Variants in NELL1 observed in about 807,000 individuals in gnomAD.
NELL1 encodes the protein neural EGFL like 1, also known as protein kinase C-binding protein NELL1.
In NELL1, 76 loss-of-function variants were observed where a neutral mutation model predicts 107.4. The ratio of observed to expected loss-of-function variants is 0.71; its 90% CI spans 0.59 to 0.86. The LOEUF is 0.86. NELL1 is among the 40% of genes least tolerant of loss of function. NELL1 has a pLI of 0.00. For missense variants in NELL1, 1,024 were observed against 1,005.5 expected (o/e 1.02, Z -0.25); for synonymous variants, 353 against 341.2 (o/e 1.03, Z -0.38).
chr11:21,560,678 G>T (rs1389398680), intron 17 of NELL1, among the ~76,000 whole-genome samples: 1 of 152,042 alleles, frequency 6.6e-6, no homozygotes, highest in Non-Finnish European at 1.5e-5. Context: ...TGCTTTTAAG[G>T]TTGGTTGGGT....
intron 15 of NELL1, among the ~76,000 whole-genome samples, chr11:21,498,402 T>C (rs1855045190): frequency 6.7e-6 from 1 of 149,416 alleles, no homozygotes; most frequent in East Asian, 2.0e-4. Flanking sequence ...TTAAATTTTA[T>C]AAATAAGTAA....
intron 15 of NELL1, among the ~76,000 whole-genome samples, chr11:21,435,043 T>G (rs1590929863): frequency 6.6e-6 from 1 of 151,892 alleles, no homozygotes; most frequent in African/African-American, 2.4e-5. Flanking sequence ...CTCTGTAACT[T>G]TACCGAATTT....
At chr11:21,059,337 T>C (rs1224646905) in intron 12 of NELL1, among the ~76,000 whole-genome samples, 1 of 146,152 alleles carries the variant, frequency 6.8e-6, no homozygotes, top group African/African-American at 2.8e-5. Flanking sequence ...TCAGTGAACA[T>C]TTGCTGCCTT....
chr11:20,809,718 G>C (rs1857459137), intron 3 of NELL1, among the ~76,000 whole-genome samples: 2 of 152,050 alleles, frequency 1.3e-5, no homozygotes, highest in Admixed American at 1.3e-4. Context: ...TTTTATGGTT[G>C]AATACTATTC....
At chr11:21,205,007 C>A (rs970261006) in intron 13 of NELL1, among the ~76,000 whole-genome samples, 1 of 152,158 alleles carries the variant, frequency 6.6e-6, no homozygotes, top group Non-Finnish European at 1.5e-5. Context: ...GGGTACCCAA[C>A]ATATGCCAGC....
At chr11:21,016,237 T>G (rs1475138630) in intron 12 of NELL1, among the ~76,000 whole-genome samples, 1 of 152,142 alleles carries the variant, frequency 6.6e-6, no homozygotes, top group Non-Finnish European at 1.5e-5. Context: ...TTGGCTTAAT[T>G]CATTCACTTT....
intron 15 of NELL1, among the ~76,000 whole-genome samples, chr11:21,493,585 T>G (rs746280332): frequency 2.0e-5 from 3 of 151,800 alleles, no homozygotes; most frequent in Non-Finnish European, 2.9e-5. Flanking sequence ...TACTAGAGGA[T>G]GTGAAGTGTC....
intron 15 of NELL1, among the ~76,000 whole-genome samples, chr11:21,505,424 T>A (rs569592808): frequency 6.6e-6 from 1 of 152,278 alleles, no homozygotes; most frequent in African/African-American, 2.4e-5. Flanking sequence ...CATTATCTAC[T>A]GGATGGTGAC....
intron 13 of NELL1, among the ~76,000 whole-genome samples, chr11:21,151,201 A>T (rs747329482): frequency 1.4e-4 from 22 of 152,190 alleles, no homozygotes; most frequent in Non-Finnish European, 2.9e-4. Flanking sequence ...CTAGCTGTGT[A>T]GCTAGGCTCT....
chr11:21,058,803 C>G (rs1319045494), intron 12 of NELL1, among the ~76,000 whole-genome samples: 1 of 152,130 alleles, frequency 6.6e-6, no homozygotes, highest in Non-Finnish European at 1.5e-5. Flanking sequence ...GATGAGGGCA[C>G]TTGGTCTTGC....
intron 5 of NELL1, among the ~76,000 whole-genome samples, chr11:20,891,746 A>C (rs1849620808): frequency 6.6e-6 from 1 of 152,218 alleles, no homozygotes; most frequent in Non-Finnish European, 1.5e-5. Context: ...TAAACCGACA[A>C]AGATAAAAAA....
chr11:21,441,332 TGTGTGTGTGTG>T (rs754423273), intron 15 of NELL1, among the ~76,000 whole-genome samples: 2,237 of 104,148 alleles, frequency 0.021, 67 homozygotes, highest in African/African-American at 0.045. Context: ...GGCTGTGACG[TGTGTGTGTGTG>T]TGTGTGTGTG....
At chr11:21,322,655 T>C (rs1370646878) in intron 14 of NELL1, among the ~76,000 whole-genome samples, 1 of 152,144 alleles carries the variant, frequency 6.6e-6, no homozygotes, top group African/African-American at 2.4e-5. Flanking sequence ...TTGACTGTGA[T>C]CCAATAAATT....
chr11:21,243,555 C>T (rs1045606754), intron 14 of NELL1, among the ~76,000 whole-genome samples: 2 of 152,064 alleles, frequency 1.3e-5, no homozygotes, highest in African/African-American at 4.8e-5. Context: ...GAAGAGGACT[C>T]GCTGTATCTT....
chr11:21,193,749 C>G (rs755636920), intron 13 of NELL1, among the ~76,000 whole-genome samples: 2 of 151,790 alleles, frequency 1.3e-5, no homozygotes, highest in Non-Finnish European at 2.9e-5. Flanking sequence ...TTTTGAGTGA[C>G]AGGGATAAAA....
At chr11:21,200,421 TG>T (rs1463908413) in intron 13 of NELL1, among the ~76,000 whole-genome samples, 1 of 152,218 alleles carries the variant, frequency 6.6e-6, no homozygotes, top group East Asian at 1.9e-4. Flanking sequence ...TTTTCATGTT[TG>T]TTGGCCACAT....
At chr11:21,088,043 G>T (rs952860313) in intron 12 of NELL1, among the ~76,000 whole-genome samples, 1 of 150,126 alleles carries the variant, frequency 6.7e-6, no homozygotes, top group Non-Finnish European at 1.5e-5. Flanking sequence ...CTTGTTTTCT[G>T]TGAGTCCCAG....
intron 4 of NELL1, among the ~76,000 whole-genome samples, chr11:20,850,443 C>T (rs1009172518): frequency 3.3e-5 from 5 of 152,222 alleles, no homozygotes; most frequent in Non-Finnish European, 7.3e-5. Context: ...GAGTACTTTA[C>T]ATAGATTAAC....
At chr11:21,257,588 G>A (rs1012744513) in intron 14 of NELL1, among the ~76,000 whole-genome samples, 1 of 151,960 alleles carries the variant, frequency 6.6e-6, no homozygotes, top group African/African-American at 2.4e-5. Context: ...GATTTGGAGG[G>A]GAAGTAAAGG....
Sources: gnomAD v4.1 joint callset for allele counts (sites outside exome capture counted in the v4.1 genomes callset) on GRCh38, gnomAD v4.1.1 for gene constraint, MANE v1.5 for transcripts, NCBI Gene and HGNC (gene_info 2026-07-23, HGNC 2026-07-21) for gene names.